Variants in CAMKMT observed in about 807,000 individuals in gnomAD.
CAMKMT encodes CaM KMT.
In CAMKMT, 53 loss-of-function variants were observed where a neutral mutation model predicts 48.0. The observed-to-expected ratio is 1.10, with a 90% CI of 0.89 to 1.39. CAMKMT has a LOEUF of 1.39. CAMKMT is among the 40% of genes most tolerant of loss of function. The pLI, the probability that CAMKMT is intolerant of heterozygous loss-of-function variation, is 0.00. For missense variants in CAMKMT, 428 were observed against 402.7 expected (o/e 1.06, Z -0.54); for synonymous variants, 165 against 152.3 (o/e 1.08, Z -0.61).
chr2:44,402,995 T>C (rs1212434903), intron 3 of CAMKMT, among the ~76,000 whole-genome samples: 2 of 151,900 alleles, frequency 1.3e-5, no homozygotes, highest in Non-Finnish European at 2.9e-5. Context: ...TTCTTTGGTC[T>C]CTGTCTGTTA....
chr2:44,576,765 C>T (rs1439582506), intron 3 of CAMKMT, among the ~76,000 whole-genome samples: 3 of 152,144 alleles, frequency 2.0e-5, no homozygotes, highest in Admixed American at 2.0e-4. Flanking sequence ...GGCTAGAGTG[C>T]TACCATTTGC....
At chr2:44,376,621 T>C (rs1194032373) in intron 2 of CAMKMT, among the ~76,000 whole-genome samples, 1 of 152,182 alleles carries the variant, frequency 6.6e-6, no homozygotes, top group Non-Finnish European at 1.5e-5. Flanking sequence ...TACCCATTCA[T>C]TTCTGTCTCC....
chr2:44,444,440 A>T (rs1666859229), intron 3 of CAMKMT, among the ~76,000 whole-genome samples: 1 of 152,188 alleles, frequency 6.6e-6, no homozygotes, highest in Non-Finnish European at 1.5e-5. Flanking sequence ...GTCTCTGATA[A>T]AAATGTTAAA....
intron 3 of CAMKMT, among the ~76,000 whole-genome samples, chr2:44,566,854 C>A (rs1668643464): frequency 6.6e-6 from 1 of 152,164 alleles, no homozygotes; most frequent in African/African-American, 2.4e-5. Context: ...TCAGTTGACA[C>A]AGTCTCTTAT....
At chr2:44,589,913 G>GA (rs539660817) in intron 3 of CAMKMT, among the ~76,000 whole-genome samples, 9 of 63,600 alleles carry the variant, frequency 1.4e-4, no homozygotes, top group South Asian at 5.1e-4. Context: ...AAAAAAGAAC[G>GA]AAAAAAAAAA....
chr2:44,523,008 A>G (rs76773291), intron 3 of CAMKMT, among the ~76,000 whole-genome samples: 3,634 of 152,150 alleles, frequency 0.024, 116 homozygotes, highest in African/African-American at 0.075. Context: ...TCTTTGTTAC[A>G]TTTTTTATTT....
chr2:44,424,080 G>C (rs1252987514), intron 3 of CAMKMT, among the ~76,000 whole-genome samples: 1 of 152,070 alleles, frequency 6.6e-6, no homozygotes, highest in Non-Finnish European at 1.5e-5. Context: ...GTAGTGTTTT[G>C]TAATTATATT....
intron 3 of CAMKMT, among the ~76,000 whole-genome samples, chr2:44,541,766 G>C (rs1443724328): frequency 7.2e-6 from 1 of 138,090 alleles, no homozygotes; most frequent in East Asian, 2.1e-4. Flanking sequence ...GTGAAACTCT[G>C]TCTCAAAAAA....
rs1294718050 is a variant in CAMKMT at position 44,588,301 on chromosome 2, GGA to G, written c.377-115980_377-115979del. ...GCCCGGCAGCCACCCCGTCCGGGAG[GGA>G]GGGGGGGGGTCAGCCCCCCGCCCGG... On this transcript the variant is annotated intron_variant, in intron 3 of 10. Coordinates refer to ENST00000378494, the MANE Select transcript of CAMKMT (RefSeq NM_024766.5). Among the ~76,000 whole-genome samples the G allele has an allele frequency of 1.3e-3, 90 of 66,748 alleles. 3 individuals are homozygous for G. Among genetic ancestry groups the G allele is most frequent in the East Asian group, 7.4e-3 (20 of 2,692 alleles). 43.8% of individuals were successfully genotyped at this position (66,748 alleles called of 152,430 possible).
chr2:44,418,671 A>G (rs1042742808), intron 3 of CAMKMT, among the ~76,000 whole-genome samples: 2 of 152,178 alleles, frequency 1.3e-5, no homozygotes, highest in African/African-American at 4.8e-5. Flanking sequence ...AAATGGGATA[A>G]TGTAAGTCCT....
At chr2:44,556,771 C>CTT (rs1007108119) in intron 3 of CAMKMT, among the ~76,000 whole-genome samples, 2 of 123,524 alleles carry the variant, frequency 1.6e-5, no homozygotes, top group East Asian at 2.3e-4. Context: ...GCCCGGCCCT[C>CTT]TTTTTTTTTT....
At chr2:44,363,172 T>C (rs1002114214) in intron 1 of CAMKMT, among the ~76,000 whole-genome samples, 8 of 152,210 alleles carry the variant, frequency 5.3e-5, no homozygotes. Context: ...TAAGATTTAT[T>C]TGCTGATACA....
chr2:44,752,295 A>G (rs1312025557), intron 8 of CAMKMT, among the ~76,000 whole-genome samples: 1 of 148,954 alleles, frequency 6.7e-6, no homozygotes, highest in African/African-American at 2.5e-5. Flanking sequence ...AAAAACCGCA[A>G]TTACTTTTGC....
intron 7 of CAMKMT, among the ~76,000 whole-genome samples, chr2:44,729,053 G>C (rs187807135): frequency 4.1e-4 from 62 of 151,756 alleles, no homozygotes; most frequent in African/African-American, 1.4e-3. Context: ...AGTAGTACCG[G>C]AGAGAGAAAA....
intron 3 of CAMKMT, among the ~76,000 whole-genome samples, chr2:44,511,171 C>T (rs946388806): frequency 2.0e-5 from 3 of 151,948 alleles, no homozygotes; most frequent in Admixed American, 6.6e-5. Flanking sequence ...TTTTCATCCC[C>T]ATAGCTTAGC....
intron 3 of CAMKMT, among the ~76,000 whole-genome samples, chr2:44,522,025 G>A (rs115119281): frequency 1.1e-4 from 11 of 104,214 alleles, no homozygotes; most frequent in African/African-American, 4.1e-4. Flanking sequence ...TTTTTTTTTT[G>A]ACAGACTCTC....
intron 3 of CAMKMT, among the ~76,000 whole-genome samples, chr2:44,665,514 T>A (rs1354463755): frequency 6.6e-6 from 1 of 152,146 alleles, no homozygotes; most frequent in East Asian, 1.9e-4. Flanking sequence ...TGATTTTAAT[T>A]TAGGAAATCA....
At chr2:44,596,871 T>A (rs1670702110) in intron 3 of CAMKMT, among the ~76,000 whole-genome samples, 1 of 152,236 alleles carries the variant, frequency 6.6e-6, no homozygotes, top group Non-Finnish European at 1.5e-5. Flanking sequence ...TCCTTTCTAT[T>A]TTCATTGCCA....
At chr2:44,662,248 C>T (rs1363639447) in intron 3 of CAMKMT, among the ~76,000 whole-genome samples, 2 of 152,214 alleles carry the variant, frequency 1.3e-5, no homozygotes, top group African/African-American at 2.4e-5. Flanking sequence ...CTCCTGTTGT[C>T]CTGTTCCAGT....
Sources: allele counts gnomAD v4.1 joint callset (sites outside exome capture counted in the v4.1 genomes callset), GRCh38; gene constraint gnomAD v4.1.1; transcripts MANE v1.5; gene names NCBI Gene and HGNC (gene_info 2026-07-23, HGNC 2026-07-21).